Variants in GDAP1L1 observed in about 807,000 individuals in gnomAD.
The protein encoded by GDAP1L1 is ganglioside induced differentiation associated protein 1 like 1, also known as ganglioside-induced differentiation-associated protein 1-like 1.
GDAP1L1 carries 21 observed loss-of-function variants against 37.1 expected under a neutral mutation model. The observed-to-expected ratio is 0.57, with a 90% CI of 0.40 to 0.81. The LOEUF is 0.81. Ranked by LOEUF, GDAP1L1 falls within the 40% of genes least tolerant of loss-of-function variation. The pLI is 0.00. For missense variants in GDAP1L1, 362 were observed against 491.6 expected, an observed-to-expected ratio of 0.74 and a Z score of 2.49; for synonymous variants, 193 against 209.1, an observed-to-expected ratio of 0.92 and a Z score of 0.67.
At chr20:44,248,760 G>C (rs773693715) in intron 1 of GDAP1L1, among the ~76,000 whole-genome samples, 40 of 152,306 alleles carry the variant, frequency 2.6e-4, no homozygotes, top group Admixed American at 1.0e-3. Context: ...GATTCAGTGG[G>C]TCTGGAATGG....
intron 5 of GDAP1L1, among the ~76,000 whole-genome samples, chr20:44,276,464 G>GAAAGAAAGAAAGAAAGAAAGA (rs1568659668): frequency 2.0e-5 from 3 of 147,664 alleles, no homozygotes; most frequent in Non-Finnish European, 4.5e-5. Flanking sequence ...AAGAAAGAAA[G>GAAAGAAAGAAAGAAAGAAAGA]AAAAAGAAAG....
intron 3 of GDAP1L1, among the ~76,000 whole-genome samples, chr20:44,262,435 G>C (rs1047277340): frequency 6.6e-6 from 1 of 152,026 alleles, no homozygotes; most frequent in Non-Finnish European, 1.5e-5. Flanking sequence ...GGGAGGGGAT[G>C]CTGCAATTTG....
intron 5 of GDAP1L1, chr20:44,265,609 A>G: frequency 2.1e-6 from 1 of 480,430 alleles, no homozygotes; most frequent in Non-Finnish European, 2.7e-6. Flanking sequence ...TTGAAGCCTC[A>G]GTTTCCTCAT....
At position 44,279,075 on chromosome 20, in the gene GDAP1L1, C is replaced by A. The variant is rs778825581; in HGVS notation, c.879C>A (p.Gly293=). Residue 293 remains glycine (G), a synonymous_variant, in exon 6 of 6, where the codon GGC becomes GGA. Transcript: ENST00000342560. ...LGLSKKYWED[G]SRPNLQSFFE... is the part of the protein sequence containing the mutation. ...TGTCCAAGAAATACTGGGAAGATGG[C>A]AGCCGGCCCAACCTGCAGTCCTTCT... is the stretch of plus-strand genomic sequence containing the variant. 1 of 1,614,150 alleles carries A rather than the reference C, an allele frequency of 6.2e-7. No homozygotes were observed. The highest frequency in any genetic ancestry group is 1.7e-5 in the Admixed American group (1 of 60,034).
At position 44,257,218 on chromosome 20, in the gene GDAP1L1, C is replaced by G. The variant is rs759789768; in HGVS notation, c.246C>G (p.Ser82Arg). ...CEERDVSLPQSEHKEPWFMRL... is the reference protein window; with the variant it reads ...CEERDVSLPQREHKEPWFMRL... ...AGCGGGACGTGAGCCTGCCACAGAGCGAGCACAAGGAGCCCTGGTTCATGC... is the reference window on the plus strand; with the variant it reads ...AGCGGGACGTGAGCCTGCCACAGAGGGAGCACAAGGAGCCCTGGTTCATGC... Residue 82 changes from serine to arginine, a missense_variant, in exon 2 of 6, where the codon AGC (serine) becomes AGG (arginine). Around this residue, in one of 2 missense-constraint regions of GDAP1L1, gnomAD observed 277 missense variants for 337.1 expected, o/e 0.82. Transcript: ENST00000342560. The G allele has an allele frequency of 1.9e-6, 3 of 1,611,976 alleles. No individual in the cohort carries two copies. The highest frequency in any genetic ancestry group is 1.7e-6 in the Non-Finnish European group (2 of 1,179,258).
chr20:44,264,619 C>A, intron 5 of GDAP1L1, 60 bp downstream of exon 5: 1 of 1,575,258 alleles, frequency 6.3e-7, no homozygotes, highest in South Asian at 1.2e-5. Context: ...TCTTCCCCTG[C>A]CCAGTCTCAG....
At chr20:44,250,303 C>A (rs757816093) in intron 1 of GDAP1L1, among the ~76,000 whole-genome samples, 5 of 152,202 alleles carry the variant, frequency 3.3e-5, no homozygotes, top group Non-Finnish European at 5.9e-5. Flanking sequence ...TAATCCCGTG[C>A]AAGCTGCTTA....
rs1403015793 is a variant in GDAP1L1, at chr20:44,280,904, AGGCAT to A, written c.*1607_*1611del. The A allele has an allele frequency of 6.6e-6, 1 of 152,240 alleles. No homozygotes were observed. The highest frequency in any genetic ancestry group is 1.5e-5 in the Non-Finnish European group (1 of 68,032). 9.4% of individuals were successfully genotyped at this position (152,240 alleles called of 1,614,324 possible). On this transcript the variant is annotated 3_prime_UTR_variant, in exon 6 of 6. Transcript: ENST00000342560. ...TCAGGAGTATAATGTGTAGAATATAAGGCATGGTTTTACTTATTTTGCAATAAAAA... is the reference window on the plus strand; with the variant it reads ...TCAGGAGTATAATGTGTAGAATATAAGGTTTTACTTATTTTGCAATAAAAA...
At chr20:44,268,032 T>C (rs912101148) in intron 5 of GDAP1L1, among the ~76,000 whole-genome samples, 11 of 152,254 alleles carry the variant, frequency 7.2e-5, no homozygotes, top group African/African-American at 2.7e-4. Flanking sequence ...AAGGTCTGAC[T>C]GGCTGGGCCC....
At chr20:44,275,203 C>T (rs1289896086) in intron 5 of GDAP1L1, among the ~76,000 whole-genome samples, 2 of 152,148 alleles carry the variant, frequency 1.3e-5, no homozygotes, top group African/African-American at 4.8e-5. Context: ...TCATCAGGTG[C>T]CTTGAAGATT....
At chr20:44,260,656 G>A (rs929822997) in intron 3 of GDAP1L1, among the ~76,000 whole-genome samples, 3 of 152,174 alleles carry the variant, frequency 2.0e-5, no homozygotes, top group African/African-American at 7.2e-5. Flanking sequence ...ATGCAGCAGC[G>A]ACCGAGGATG....
chr20:44,265,520 G>A, intron 5 of GDAP1L1: 1 of 971,394 alleles, frequency 1.0e-6, no homozygotes, highest in Non-Finnish European at 1.2e-6. Flanking sequence ...AACAGATGGG[G>A]TTAGAGTAAG....
intron 5 of GDAP1L1, among the ~76,000 whole-genome samples, chr20:44,268,886 T>A (rs1001320014): frequency 2.6e-5 from 4 of 152,168 alleles, no homozygotes; most frequent in African/African-American, 9.7e-5. Context: ...CAATGGGAAG[T>A]CCCTGGAGGG....
At chr20:44,256,857 C>T (rs898762138) in intron 1 of GDAP1L1, among the ~76,000 whole-genome samples, 3 of 152,130 alleles carry the variant, frequency 2.0e-5, no homozygotes, top group African/African-American at 7.2e-5. Context: ...AAGGACTGCC[C>T]ACACTCACAC....
chr20:44,251,725 C>T (rs2073447048), intron 1 of GDAP1L1, among the ~76,000 whole-genome samples: 1 of 152,194 alleles, frequency 6.6e-6, no homozygotes, highest in African/African-American at 2.4e-5. Context: ...TGGCCTCAGG[C>T]CCTCCTGCAG....
In GDAP1L1 at chr20:44,262,541, G is replaced by A. The variant is rs186986985; in HGVS notation, c.548-689G>A. 1.6e-4 allele frequency among the ~76,000 whole-genome samples: 25 copies of A among 152,120 alleles called. No individual in the cohort carries two copies. In the East Asian group the frequency reaches 4.6e-3, roughly 28 times the overall value. On this transcript the variant is annotated intron_variant, in intron 3 of 5. Transcript: ENST00000342560. ...TGGCATCTACTACTCGTCCTCAAGG[G>A]TACAGTCTCCTCCTCCGTGAGGTCT...
intron 2 of GDAP1L1, 104 bp downstream of exon 2, chr20:44,257,449 C>A: frequency 8.5e-7 from 1 of 1,180,682 alleles, no homozygotes; most frequent in Non-Finnish European, 1.2e-6. Flanking sequence ...CTGGGAAATT[C>A]ACTGGAGCCA....
chr20:44,257,068 T>G, intron 1 of GDAP1L1, 85 bp from the exon 2 acceptor site: 2 of 1,384,294 alleles, frequency 1.4e-6, no homozygotes, highest in Non-Finnish European at 1.9e-6. Flanking sequence ...ACCTCTGACC[T>G]CCCTCCCCGC....
chr20:44,269,862 C>T (rs1600557142), intron 5 of GDAP1L1, among the ~76,000 whole-genome samples: 2 of 152,074 alleles, frequency 1.3e-5, no homozygotes. Context: ...ACCTGGGAGG[C>T]GGAGGTTGCA....
Sources: allele counts gnomAD v4.1 joint callset (sites outside exome capture counted in the v4.1 genomes callset), GRCh38; gene constraint gnomAD v4.1.1; regional missense constraint gnomAD v4.1.1; transcripts MANE v1.5; gene names NCBI Gene and HGNC (gene_info 2026-07-23, HGNC 2026-07-21).